The following TSPAN13 variants were observed in gnomAD, a reference collection of about 807,000 sequenced individuals.
TSPAN13 encodes the protein tetraspanin-13.
A neutral mutation model predicts 26.9 loss-of-function variants in TSPAN13; 18 were observed. The observed-to-expected ratio is 0.67, with a 90% CI of 0.46 to 0.99. TSPAN13 has a LOEUF of 0.99. Ranked by LOEUF, TSPAN13 falls within the 50% of genes least tolerant of loss-of-function variation. The pLI is 0.00. For missense variants in TSPAN13, 201 were observed against 249.6 expected (o/e 0.81, Z 1.31); for synonymous variants, 116 against 98.4 (o/e 1.18, Z -1.06).
At chr7:16,782,417 A>C (rs1221546507) in intron 5 of TSPAN13, among the ~76,000 whole-genome samples, 1 of 152,232 alleles carries the variant, frequency 6.6e-6, no homozygotes, top group Non-Finnish European at 1.5e-5. Context: ...TTTAGGTTAA[A>C]AGTTGGCACA....
intron 1 of TSPAN13, among the ~76,000 whole-genome samples, chr7:16,772,953 G>A (rs949574224): frequency 8.5e-5 from 13 of 152,116 alleles, no homozygotes; most frequent in Middle Eastern, 3.4e-3. Flanking sequence ...CCGAAATTGC[G>A]CCACTGCACT....
At chr7:16,766,340 A>C (rs909064088) in intron 1 of TSPAN13, among the ~76,000 whole-genome samples, 1 of 152,238 alleles carries the variant, frequency 6.6e-6, no homozygotes, top group Non-Finnish European at 1.5e-5. Flanking sequence ...TGGATTGGAC[A>C]GTTGATTCTA....
rs761681126 is a variant in TSPAN13, at chr7:16,783,461, C to A, written c.585C>A (p.Asp195Glu). ...WLTYRYRNQK[D>E]PRANPSAFL ...CCTACAGATACAGGAACCAGAAAGA[C>A]CCCCGCGCGAATCCTAGTGCATTCC... The change falls in exon 6 of 6, where the codon GAC becomes GAA. Residue 195 changes from aspartate (D) to glutamate (E), a missense_variant. By Grantham distance (45) the Asp-to-Glu change is conservative. Transcript: ENST00000262067. The A allele has an allele frequency of 1.2e-6, 2 of 1,613,640 alleles. No homozygotes were observed. The highest frequency in any genetic ancestry group is 1.3e-5 in the African/African-American group (1 of 74,862).
intron 1 of TSPAN13, among the ~76,000 whole-genome samples, chr7:16,771,736 A>G (rs1784681851): frequency 1.3e-5 from 2 of 152,242 alleles, no homozygotes; most frequent in African/African-American, 4.8e-5. Context: ...CATTTGTGTT[A>G]TTTTAAGCCA....
At chr7:16,757,573 C>T (rs927142042) in intron 1 of TSPAN13, among the ~76,000 whole-genome samples, 1 of 152,070 alleles carries the variant, frequency 6.6e-6, no homozygotes, top group Non-Finnish European at 1.5e-5. Context: ...CATATATTTA[C>T]TGGGACTTTT....
chr7:16,777,134 C>CT lies in TSPAN13; in HGVS notation c.312+18dup. 6.3e-7 allele frequency: 1 copy of CT among 1,592,912 alleles called. No individual in the cohort carries two copies. The highest frequency in any genetic ancestry group is 8.6e-7 in the Non-Finnish European group (1 of 1,161,442). The stretch of plus-strand genomic sequence containing the variant: ...ACCAGGAGCAACAGGTAAGCTAAGA[C>CT]TTTTTTCTTCTACTTTATTATACCA... On this transcript the variant is annotated intron_variant, in intron 3 of 5. Transcript: ENST00000262067.
Position 16,757,730 on chromosome 7 carries a change from G to A in TSPAN13, c.63+3700G>A, listed in dbSNP as rs1316886322. The stretch of plus-strand genomic sequence containing the variant: ...ATTCTTTTTCCTTATACTTTTGGTT[G>A]TTTTGAGAAAAATTCTCATGCAGCA... On this transcript the variant is annotated intron_variant, in intron 1 of 5. Coordinates refer to ENST00000262067, the MANE Select transcript of TSPAN13 (RefSeq NM_014399.4). Among the ~76,000 whole-genome samples the A allele has an allele frequency of 2.0e-5, 3 of 152,144 alleles. No homozygotes were observed. In the East Asian group the frequency reaches 5.8e-4, roughly 29 times the overall value.
At chr7:16,776,688 T>A (rs529466219) in intron 2 of TSPAN13, among the ~76,000 whole-genome samples, 169 of 152,304 alleles carry the variant, frequency 1.1e-3, no homozygotes, top group African/African-American at 3.9e-3. Context: ...CACATTAATG[T>A]TTGGTTGAGA....
chr7:16,783,676 T>G lies in TSPAN13; in HGVS notation c.*185T>G. ...TTTTTTTCTTTCCGTTGCTGAAAAA[T>G]ATTTGAAACTTGTGGTCTCTGAAGC... On this transcript the variant is annotated 3_prime_UTR_variant, in exon 6 of 6. Coordinates refer to ENST00000262067, the MANE Select transcript of TSPAN13 (RefSeq NM_014399.4). 1 of 618,820 alleles carries G rather than the reference T, an allele frequency of 1.6e-6. No homozygotes were observed. The highest frequency in any genetic ancestry group is 2.8e-6 in the Non-Finnish European group (1 of 362,998). The allele number at this position is 618,820 out of a possible 1,614,324, so 38.3% of individuals were successfully genotyped here. A position where few individuals can be genotyped will look rare whatever the true frequency, so the allele number is the denominator to read the frequency against.
chr7:16,773,167 G>GA (rs1047821953), intron 1 of TSPAN13, among the ~76,000 whole-genome samples: 129 of 151,386 alleles, frequency 8.5e-4, no homozygotes, highest in African/African-American at 2.8e-3. Context: ...AAAATCTTGG[G>GA]GGGGGGCGGT....
At chr7:16,773,709 T>C (rs989615862) in intron 1 of TSPAN13, among the ~76,000 whole-genome samples, 4 of 152,228 alleles carry the variant, frequency 2.6e-5, no homozygotes, top group African/African-American at 7.2e-5. Context: ...TTCAGTAATA[T>C]AGTAAGGATG....
At position 16,779,026 on chromosome 7, in the gene TSPAN13, G is replaced by T. The variant is rs3757453; in HGVS notation, c.450G>T (p.Ser150=). ...AGAGCTGTGTTAAAAGTGACCACTC[G>T]TGCTCGCCATGTGCTCCAATCATAG... is the stretch of plus-strand genomic sequence containing the variant. ...CLASCVKSDH[S]CSPCAPIIGE... is the part of the protein sequence containing the mutation. Residue 150 remains serine, a synonymous_variant, in exon 5 of 6, where the codon TCG becomes TCT. Transcript: ENST00000262067. 1 of 1,613,736 alleles carries T rather than the reference G, an allele frequency of 6.2e-7. No homozygotes were observed. The highest frequency in any genetic ancestry group is 1.1e-5 in the South Asian group (1 of 90,994).
At chr7:16,774,522 A>C (rs2115333392) in intron 1 of TSPAN13, among the ~76,000 whole-genome samples, 1 of 152,318 alleles carries the variant, frequency 6.6e-6, no homozygotes, top group Non-Finnish European at 1.5e-5. Flanking sequence ...ACAGAGTCAG[A>C]AATAAGCTCA....
chr7:16,777,439 C>T (rs1006842017), intron 3 of TSPAN13, among the ~76,000 whole-genome samples: 9 of 152,122 alleles, frequency 5.9e-5, no homozygotes, highest in Non-Finnish European at 1.0e-4. Context: ...GCTTGTGGTT[C>T]CAGTCTAGCA....
intron 1 of TSPAN13, among the ~76,000 whole-genome samples, chr7:16,771,163 A>C (rs1362379737): frequency 1.3e-5 from 2 of 152,214 alleles, no homozygotes; most frequent in Non-Finnish European, 2.9e-5. Flanking sequence ...TTACAGTTCT[A>C]GCTTTCGATT....
chr7:16,753,906 T>C lies in TSPAN13; in HGVS notation c.-62T>C, dbSNP rs1228580493. The C allele has an allele frequency of 6.5e-7, 1 of 1,543,052 alleles. No individual in the cohort carries two copies. The highest frequency in any genetic ancestry group is 1.4e-5 in the African/African-American group (1 of 72,932). ...GCCCCAAAGGCAAGGACAAAGCAGCTGTCAGGGAACCTCCGCCGGAGTCGA... is the reference window on the plus strand; with the variant it reads ...GCCCCAAAGGCAAGGACAAAGCAGCCGTCAGGGAACCTCCGCCGGAGTCGA... On this transcript the variant is annotated 5_prime_UTR_variant, in exon 1 of 6. Coordinates refer to ENST00000262067, the MANE Select transcript of TSPAN13 (RefSeq NM_014399.4).
At chr7:16,758,858 AC>A (rs1232869237) in intron 1 of TSPAN13, among the ~76,000 whole-genome samples, 1 of 151,912 alleles carries the variant, frequency 6.6e-6, no homozygotes, top group Admixed American at 6.6e-5. Context: ...TATAATTGTA[AC>A]TGTTTGGGGT....
chr7:16,760,688 G>A (rs561655874), intron 1 of TSPAN13, among the ~76,000 whole-genome samples: 9 of 152,182 alleles, frequency 5.9e-5, no homozygotes, highest in African/African-American at 2.2e-4. Context: ...CAGGAGATGA[G>A]GAACATTCAG....
intron 5 of TSPAN13, among the ~76,000 whole-genome samples, chr7:16,780,650 A>C (rs770321041): frequency 6.6e-6 from 1 of 152,212 alleles, no homozygotes; most frequent in Non-Finnish European, 1.5e-5. Flanking sequence ...TCTACACATC[A>C]GCTAGAGTCA....
Sources: gnomAD v4.1 joint callset for allele counts (sites outside exome capture counted in the v4.1 genomes callset) on GRCh38, gnomAD v4.1.1 for gene constraint, MANE v1.5 for transcripts, NCBI Gene and HGNC (gene_info 2026-07-23, HGNC 2026-07-21) for gene names.